ARSB: variants seen among roughly 807,000 people sequenced by gnomAD.
ARSB encodes arylsulfatase B, also known as N-acetylgalactosamine-4-sulfatase.
ARSB carries 41 observed loss-of-function variants against 50.9 expected under a neutral mutation model. The observed-to-expected ratio is 0.81, with a 90% CI of 0.63 to 1.04. The LOEUF (loss-of-function observed/expected upper bound fraction) is 1.04, where lower values mean the gene tolerates loss of function less well. Among genes scored for constraint, ARSB ranks in the 50% least tolerant of loss-of-function variants. ARSB has a pLI of 0.00. For missense variants in ARSB, 672 were observed against 693.3 expected (o/e 0.97, Z 0.35); for synonymous variants, 269 against 284.8 (o/e 0.94, Z 0.56).
intron 4 of ARSB, among the ~76,000 whole-genome samples, chr5:78,950,623 T>C (rs1254514602): frequency 6.6e-6 from 1 of 152,068 alleles, no homozygotes; most frequent in East Asian, 1.9e-4. Context: ...TGTCAAAGAA[T>C]TAGAGTGCCA....
At chr5:78,914,990 C>T (rs756321464) in intron 4 of ARSB, among the ~76,000 whole-genome samples, 6 of 152,186 alleles carry the variant, frequency 3.9e-5, no homozygotes, top group Non-Finnish European at 8.8e-5. Flanking sequence ...GGACATTAAA[C>T]GTTCCTATTA....
At chr5:78,970,720 AAGGC>A (rs1419026432) in intron 1 of ARSB, among the ~76,000 whole-genome samples, 1 of 152,188 alleles carries the variant, frequency 6.6e-6, no homozygotes, top group Admixed American at 6.5e-5. Flanking sequence ...TTGGGAGGCT[AAGGC>A]AGGAGGCTAG....
intron 6 of ARSB, among the ~76,000 whole-genome samples, chr5:78,833,451 G>T (rs1047103568): frequency 6.6e-6 from 1 of 152,170 alleles, no homozygotes; most frequent in African/African-American, 2.4e-5. Flanking sequence ...CACTTCCAAG[G>T]TTACTTCAGA....
At chr5:78,831,047 TTAAAAC>T (rs1166893942) in intron 6 of ARSB, among the ~76,000 whole-genome samples, 1 of 152,140 alleles carries the variant, frequency 6.6e-6, no homozygotes, top group Non-Finnish European at 1.5e-5. Flanking sequence ...TAATTTAAAA[TTAAAAC>T]TAGAGAAATA....
chr5:78,839,218 G>C (rs1745080722), intron 6 of ARSB, 138 bp downstream of exon 6: 1 of 782,424 alleles, frequency 1.3e-6, no homozygotes, highest in African/African-American at 1.7e-5. Flanking sequence ...AGATGAGCGG[G>C]AGATATGTCC....
rs577777068 is a variant in ARSB, at chr5:78,813,361, G to A, written c.1213+25995C>T. On this transcript the variant is annotated intron_variant, in intron 6 of 7. Coordinates refer to ENST00000264914, the MANE Select transcript of ARSB (RefSeq NM_000046.5). ...TTACAGGTGTGATCCACCACGCCCA[G>A]CCAATATATTTTCATGAACAGTTTT... 4.6e-5 allele frequency among the ~76,000 whole-genome samples: 7 copies of A among 152,218 alleles called. No individual in the cohort carries two copies. In the East Asian group the frequency reaches 1.2e-3, roughly 25 times the overall value.
intron 4 of ARSB, among the ~76,000 whole-genome samples, chr5:78,953,862 CAT>C (rs1751588056): frequency 3.3e-5 from 5 of 151,986 alleles, no homozygotes; most frequent in Admixed American, 1.3e-4. Flanking sequence ...TATATACATA[CAT>C]ATATATACAC....
Position 78,780,375 on chromosome 5 carries a change from G to A in ARSB, c.*22C>T. 6.2e-7 allele frequency: 1 copy of A among 1,613,486 alleles called. No individual in the cohort carries two copies. The highest frequency in any genetic ancestry group is 8.5e-7 in the Non-Finnish European group (1 of 1,179,980). On this transcript the variant is annotated 3_prime_UTR_variant, in exon 8 of 8. Coordinates refer to ENST00000264914, the MANE Select transcript of ARSB (RefSeq NM_000046.5). Reference sequence around the variant, plus strand: ...CTGAGGTCCAACTTCCAATTGAAAGGTTTTCTAGCCTCCCTGAAATCCTAC... The same window carrying A: ...CTGAGGTCCAACTTCCAATTGAAAGATTTTCTAGCCTCCCTGAAATCCTAC...
At chr5:78,940,436 T>G (rs1223011807) in intron 4 of ARSB, among the ~76,000 whole-genome samples, 2 of 152,230 alleles carry the variant, frequency 1.3e-5, no homozygotes, top group Non-Finnish European at 2.9e-5. Flanking sequence ...TTTAAGTCTT[T>G]AATCCATCTT....
intron 5 of ARSB, among the ~76,000 whole-genome samples, chr5:78,845,515 T>C (rs1745407140): frequency 6.6e-6 from 1 of 152,170 alleles, no homozygotes; most frequent in African/African-American, 2.4e-5. Context: ...AGAGTACCCC[T>C]TTCTCTACAA....
At position 78,956,873 on chromosome 5, in the gene ARSB, T is replaced by G. The variant is rs192546728; in HGVS notation, c.691-1371A>C. Among the ~76,000 whole-genome samples the G allele has an allele frequency of 8.1e-3, 1,238 of 152,326 alleles. 5 individuals carry two copies. The highest frequency in any genetic ancestry group is 0.014 in the Non-Finnish European group (934 of 68,024). ...GATGTGTACCAATAGAGGCTTTAGCTTTTTGCTTTAGCTGAAAATAAGCCC... is the reference window on the plus strand; with the variant it reads ...GATGTGTACCAATAGAGGCTTTAGCGTTTTGCTTTAGCTGAAAATAAGCCC... On this transcript the variant is annotated intron_variant, in intron 3 of 7. Coordinates refer to ENST00000264914, the MANE Select transcript of ARSB (RefSeq NM_000046.5).
intron 6 of ARSB, among the ~76,000 whole-genome samples, chr5:78,822,956 T>A (rs1018936348): frequency 6.6e-6 from 1 of 152,228 alleles, no homozygotes; most frequent in African/African-American, 2.4e-5. Flanking sequence ...TTTTAATGTC[T>A]ATATTATTTT....
intron 4 of ARSB, among the ~76,000 whole-genome samples, chr5:78,923,785 A>G (rs2112360946): frequency 6.6e-6 from 1 of 152,318 alleles, no homozygotes. Context: ...TGAGGACTTC[A>G]GTGAATAGGT....
chr5:78,931,894 T>A (rs984618640), intron 4 of ARSB, among the ~76,000 whole-genome samples: 6 of 152,056 alleles, frequency 3.9e-5, no homozygotes, highest in African/African-American at 1.4e-4. Flanking sequence ...GATGGTTTTA[T>A]AAAGGGCTCT....
chr5:78,859,719 A>C (rs552220070), intron 5 of ARSB, among the ~76,000 whole-genome samples: 6 of 148,640 alleles, frequency 4.0e-5, no homozygotes, highest in African/African-American at 1.5e-4. Context: ...CTAAACAAAC[A>C]AAAAAAAAAG....
intron 4 of ARSB, among the ~76,000 whole-genome samples, chr5:78,894,852 AG>A (rs1748490064): frequency 6.6e-6 from 1 of 152,130 alleles, no homozygotes; most frequent in African/African-American, 2.4e-5. Flanking sequence ...GCACAGTGGG[AG>A]TGAGGGCAGA....
At chr5:78,952,022 C>T (rs377125696) in intron 4 of ARSB, among the ~76,000 whole-genome samples, 91 of 152,206 alleles carry the variant, frequency 6.0e-4, no homozygotes, top group African/African-American at 1.4e-3. Context: ...TACATAGGCA[C>T]GGTCAAGTTG....
intron 6 of ARSB, among the ~76,000 whole-genome samples, chr5:78,818,935 C>G (rs1744108013): frequency 6.6e-6 from 1 of 152,186 alleles, no homozygotes; most frequent in Admixed American, 6.5e-5. Flanking sequence ...CTTGCCCTGG[C>G]CCTCTCTGGC....
rs528817383 is a variant in ARSB at position 78,912,219 on chromosome 5, T to C, written c.899-26392A>G. Among the ~76,000 whole-genome samples, 60 of 152,270 alleles carry C rather than the reference T, an allele frequency of 3.9e-4. 1 individual carries two copies. The highest frequency in any genetic ancestry group is 1.4e-3 in the African/African-American group (57 of 41,568). ...ACAAAAGCCATGGGAAATTGAAGCA[T>C]AAGGAAAAAGAGAGAAGATGGCCTA... On this transcript the variant is annotated intron_variant, in intron 4 of 7. Coordinates refer to ENST00000264914, the MANE Select transcript of ARSB (RefSeq NM_000046.5).
Sources: allele counts gnomAD v4.1 joint callset (sites outside exome capture counted in the v4.1 genomes callset), GRCh38; gene constraint gnomAD v4.1.1; transcripts MANE v1.5; gene names NCBI Gene and HGNC (gene_info 2026-07-23, HGNC 2026-07-21).